UNC13C: variants seen among roughly 807,000 people sequenced by gnomAD.
The protein encoded by UNC13C is protein unc-13 homolog C.
A neutral mutation model predicts 245.4 loss-of-function variants in UNC13C; 174 were observed. That is an observed-to-expected ratio of 0.71 (90% CI 0.63 to 0.80). UNC13C has a LOEUF of 0.80. Among genes scored for constraint, UNC13C ranks in the 30% least tolerant of loss-of-function variants. The probability of loss-of-function intolerance (pLI) is 0.00; values close to 1 mark genes in which losing one functional copy is unlikely to be tolerated. For synonymous variants in UNC13C, 992 were observed against 895.1 expected, an observed-to-expected ratio of 1.11 and a Z score of -1.93; for missense variants, 2,829 against 2,602.9, an observed-to-expected ratio of 1.09 and a Z score of -1.89.
In UNC13C at chr15:54,016,099, T is replaced by C. The variant is rs186471576; in HGVS notation, c.2983+213T>C. Among the ~76,000 whole-genome samples the C allele has an allele frequency of 8.6e-4, 131 of 152,330 alleles. 1 individual carries two copies. The highest frequency in any genetic ancestry group is 3.0e-3 in the African/African-American group (126 of 41,584). On this transcript the variant is annotated intron_variant, in intron 2 of 32. Coordinates refer to ENST00000260323, the MANE Select transcript of UNC13C (RefSeq NM_001080534.3). ...ATCAAAGAATATGTTAAATGGGTCA[T>C]ATTGGAATGAGCCCAAACTTAACCC...
At position 54,371,570 on chromosome 15, in the gene UNC13C, T is replaced by C. The variant is rs148264097; in HGVS notation, c.4714-21478T>C. Among the ~76,000 whole-genome samples the C allele has an allele frequency of 2.3e-3, 347 of 152,258 alleles. 1 individual carries two copies. Among genetic ancestry groups the C allele is most frequent in the African/African-American group, 7.9e-3 (330 of 41,544 alleles). The stretch of plus-strand genomic sequence containing the variant: ...GGTTAAGAAACTTTATTATAGAAAG[T>C]TTTAATGTGATATAATTAAAAGTTT... On this transcript the variant is annotated intron_variant, in intron 17 of 32. Transcript: ENST00000260323.
At chr15:53,934,434 G>A in the UNC13C span, among the ~76,000 whole-genome samples, 1 of 152,124 alleles carries the variant, frequency 6.6e-6, no homozygotes, top group Non-Finnish European at 1.5e-5. Context: ...TAACACTTAA[G>A]CAAATAGTAT....
chr15:53,895,316 A>AGCCTG, the UNC13C span, among the ~76,000 whole-genome samples: 2 of 144,496 alleles, frequency 1.4e-5, no homozygotes, highest in African/African-American at 5.2e-5. Flanking sequence ...ACTGCACTCC[A>AGCCTG]GCCTGGGTGA....
intron 4 of UNC13C, among the ~76,000 whole-genome samples, chr15:54,175,533 GAC>G (rs2033579795): frequency 8.3e-5 from 7 of 84,464 alleles, no homozygotes; most frequent in Non-Finnish European, 1.0e-4. Context: ...TTTTTTTTGA[GAC>G]GGAGTCTCGC....
chr15:54,114,442 T>A (rs2030070963), intron 2 of UNC13C, among the ~76,000 whole-genome samples: 1 of 152,152 alleles, frequency 6.6e-6, no homozygotes, highest in African/African-American at 2.4e-5. Context: ...AAATTTTTTA[T>A]ACAAATGATG....
intron 2 of UNC13C, among the ~76,000 whole-genome samples, chr15:54,063,665 G>A (rs1415151349): frequency 6.6e-6 from 1 of 152,124 alleles, no homozygotes; most frequent in Non-Finnish European, 1.5e-5. Flanking sequence ...ATGAATTCTA[G>A]GGACCAGTAA....
intron 2 of UNC13C, among the ~76,000 whole-genome samples, chr15:54,036,762 G>C (rs1896593302): frequency 6.6e-6 from 1 of 152,212 alleles, no homozygotes; most frequent in African/African-American, 2.4e-5. Flanking sequence ...AGTTGGGGCA[G>C]TTTGCTAAAT....
At chr15:54,386,217 C>G (rs2039833944) in intron 17 of UNC13C, among the ~76,000 whole-genome samples, 1 of 152,086 alleles carries the variant, frequency 6.6e-6, no homozygotes. Context: ...TTAAGATAAC[C>G]CTCAGTTTAC....
At chr15:53,945,525 G>A in the UNC13C span, among the ~76,000 whole-genome samples, 6 of 151,942 alleles carry the variant, frequency 3.9e-5, no homozygotes, top group African/African-American at 1.2e-4. Context: ...GCTCATTTTT[G>A]TCAGCTTTGT....
intron 24 of UNC13C, among the ~76,000 whole-genome samples, chr15:54,513,440 C>A (rs1295887762): frequency 6.6e-6 from 1 of 152,094 alleles, no homozygotes; most frequent in Non-Finnish European, 1.5e-5. Flanking sequence ...ATAAATCAGA[C>A]CTGTACTTAA....
At chr15:54,536,396 T>A (rs995858776) in intron 26 of UNC13C, among the ~76,000 whole-genome samples, 2 of 151,892 alleles carry the variant, frequency 1.3e-5, no homozygotes, top group African/African-American at 2.4e-5. Flanking sequence ...CCAAATTTTA[T>A]GAGATGCGTA....
chr15:53,975,112 T>C (rs1893655301), upstream of UNC13C: 1 of 152,228 alleles, frequency 6.6e-6, no homozygotes, highest in Non-Finnish European at 1.5e-5. Context: ...TTATGTGGCC[T>C]AGTCTCTAAA....
At chr15:54,567,288 C>T (rs987541378) in intron 29 of UNC13C, among the ~76,000 whole-genome samples, 2 of 152,108 alleles carry the variant, frequency 1.3e-5, no homozygotes, top group African/African-American at 2.4e-5. Flanking sequence ...CACTCTGCTT[C>T]GTCAGGTTGG....
chr15:54,571,555 A>G (rs1051557814), intron 30 of UNC13C, among the ~76,000 whole-genome samples: 1 of 152,256 alleles, frequency 6.6e-6, no homozygotes, highest in Non-Finnish European at 1.5e-5. Context: ...ACTTAGCACA[A>G]TACCAAATAC....
chr15:54,308,158 G>A (rs752750556), intron 13 of UNC13C, among the ~76,000 whole-genome samples: 3 of 151,758 alleles, frequency 2.0e-5, no homozygotes, highest in African/African-American at 4.8e-5. Context: ...CACAAGTTCC[G>A]TATGATTTCG....
chr15:54,057,239 A>T (rs895866578), intron 2 of UNC13C, among the ~76,000 whole-genome samples: 1 of 151,902 alleles, frequency 6.6e-6, no homozygotes, highest in African/African-American at 2.4e-5. Flanking sequence ...AGACACACAT[A>T]GGCTCAAAAT....
At chr15:54,038,812 G>A (rs1432749117) in intron 2 of UNC13C, among the ~76,000 whole-genome samples, 1 of 152,048 alleles carries the variant, frequency 6.6e-6, no homozygotes, top group Non-Finnish European at 1.5e-5. Context: ...ATTATCTTAA[G>A]TATTTCTAAC....
intron 19 of UNC13C, among the ~76,000 whole-genome samples, chr15:54,483,944 G>C (rs984539385): frequency 1.9e-4 from 24 of 127,562 alleles, no homozygotes; most frequent in Admixed American, 1.1e-3. Flanking sequence ...AACACACACA[G>C]TACATACACA....
chr15:53,870,157 G>A, the UNC13C span, among the ~76,000 whole-genome samples: 1 of 152,058 alleles, frequency 6.6e-6, no homozygotes, highest in Admixed American at 6.6e-5. Context: ...ATATAATATA[G>A]TTTTGTCTAA....
Sources: allele counts gnomAD v4.1 joint callset (sites outside exome capture counted in the v4.1 genomes callset), GRCh38; gene constraint gnomAD v4.1.1; transcripts MANE v1.5; gene names NCBI Gene and HGNC (gene_info 2026-07-23, HGNC 2026-07-21).